Variants in CADM2 observed in about 807,000 individuals in gnomAD.
CADM2 encodes cell adhesion molecule 2, also known as immunoglobulin superfamily member 4D.
In CADM2, 12 loss-of-function variants were observed where a neutral mutation model predicts 49.8. The observed-to-expected ratio is 0.24, with a 90% CI of 0.15 to 0.39. The LOEUF is 0.39. Among genes scored for constraint, CADM2 ranks in the 10% least tolerant of loss-of-function variants. The pLI is 1.00. For synonymous variants in CADM2, 214 were observed against 175.4 expected (o/e 1.22, Z -1.74); for missense variants, 378 against 492.3 (o/e 0.77, Z 2.20).
intron 1 of CADM2, among the ~76,000 whole-genome samples, chr3:85,133,807 T>A (rs914785504): frequency 9.2e-5 from 14 of 152,228 alleles, no homozygotes; most frequent in Non-Finnish European, 1.9e-4. Context: ...ACCCAGTGGA[T>A]CCCTCACCGG....
rs141416145 is a variant in CADM2 at position 85,964,277 on chromosome 3, G to T, written c.970+2630G>T. Among the ~76,000 whole-genome samples, 181 of 151,878 alleles carry T rather than the reference G, an allele frequency of 1.2e-3. 1 individual carries two copies. The highest frequency in any genetic ancestry group is 0.01 in the South Asian group (49 of 4,824). On this transcript the variant is annotated intron_variant, in intron 8 of 9. Transcript: ENST00000383699. ...CACCAAGGTTGATTTTACGTTAGTG[G>T]TGATAATTTAATATAGCTCTAGTAC...
At position 84,959,228 on chromosome 3, in the gene CADM2, C is replaced by T. The variant is rs921750749; in HGVS notation, c.-380C>T. ...TGACCTACCCACTCCTTGCAGCCCT[C>T]GCCCGCACCTTCTCCAACACCCCGG... On this transcript the variant is annotated 5_prime_UTR_variant, in exon 1 of 10. Transcript: ENST00000383699. The T allele has an allele frequency of 4.2e-5, 15 of 354,368 alleles. No individual in the cohort carries two copies. The highest frequency in any genetic ancestry group is 2.3e-4 in the Admixed American group (5 of 21,396). The allele number at this position is 354,368 out of a possible 1,614,324, so 22.0% of individuals were successfully genotyped here.
chr3:85,212,818 CTTTCTTTCTT>C (rs2041812966), intron 1 of CADM2, among the ~76,000 whole-genome samples: 1 of 62,282 alleles, frequency 1.6e-5, no homozygotes, highest in Non-Finnish European at 3.1e-5. Context: ...TCTTCTCTTT[CTTTCTTTCTT>C]TCTTTCTTTC....
chr3:85,285,563 C>T (rs1252275560), intron 1 of CADM2, among the ~76,000 whole-genome samples: 1 of 152,022 alleles, frequency 6.6e-6, no homozygotes, highest in East Asian at 1.9e-4. Context: ...ACTCACATAA[C>T]TCTAGTTTGA....
intron 1 of CADM2, among the ~76,000 whole-genome samples, chr3:85,578,557 G>T (rs1009840443): frequency 6.6e-6 from 1 of 152,156 alleles, no homozygotes; most frequent in Non-Finnish European, 1.5e-5. Context: ...TGCAGGTCAA[G>T]CACTTGAAAC....
intron 1 of CADM2, among the ~76,000 whole-genome samples, chr3:85,115,995 G>A (rs1004328035): frequency 3.3e-5 from 5 of 152,168 alleles, no homozygotes; most frequent in Admixed American, 1.3e-4. Flanking sequence ...ATTAGCAATA[G>A]GACTCAAGCA....
At chr3:85,640,580 A>T (rs2064679697) in intron 1 of CADM2, among the ~76,000 whole-genome samples, 1 of 152,088 alleles carries the variant, frequency 6.6e-6, no homozygotes, top group Admixed American at 6.6e-5. Context: ...GAACAGCAAG[A>T]CGTTTGGTAT....
chr3:85,604,197 A>G (rs948162684), intron 1 of CADM2, among the ~76,000 whole-genome samples: 1 of 151,826 alleles, frequency 6.6e-6, no homozygotes, highest in Non-Finnish European at 1.5e-5. Context: ...ATATTATTTT[A>G]TTTAATCTTA....
At chr3:86,005,194 C>G (rs1730633696) in intron 8 of CADM2, among the ~76,000 whole-genome samples, 1 of 152,068 alleles carries the variant, frequency 6.6e-6, no homozygotes, top group Non-Finnish European at 1.5e-5. Context: ...AGTTCAGTAC[C>G]TAATGTTAAG....
intron 1 of CADM2, among the ~76,000 whole-genome samples, chr3:85,006,625 A>G (rs1486605824): frequency 2.0e-5 from 3 of 152,092 alleles, no homozygotes; most frequent in African/African-American, 4.8e-5. Flanking sequence ...TGGTTTGATT[A>G]TCCTCAGTTT....
At chr3:85,060,648 C>T (rs1008205766) in intron 1 of CADM2, among the ~76,000 whole-genome samples, 2 of 152,018 alleles carry the variant, frequency 1.3e-5, no homozygotes, top group Non-Finnish European at 2.9e-5. Context: ...GCCAAGGATA[C>T]AGACACCAGT....
At chr3:85,779,316 G>C (rs889234694) in intron 2 of CADM2, among the ~76,000 whole-genome samples, 1 of 151,936 alleles carries the variant, frequency 6.6e-6, no homozygotes, top group Non-Finnish European at 1.5e-5. Context: ...CATGCCTAAA[G>C]CCTCTGCAGT....
chr3:85,187,577 G>A (rs982145352), intron 1 of CADM2, among the ~76,000 whole-genome samples: 31 of 151,956 alleles, frequency 2.0e-4, no homozygotes, highest in Non-Finnish European at 3.5e-4. Flanking sequence ...GCTGGTTTAT[G>A]AACCTCCTCT....
intron 1 of CADM2, among the ~76,000 whole-genome samples, chr3:85,568,911 T>G (rs946335300): frequency 6.6e-6 from 1 of 152,144 alleles, no homozygotes; most frequent in African/African-American, 2.4e-5. Flanking sequence ...ATTTTAAAGT[T>G]TGCACTCCTC....
chr3:85,932,018 A>C (rs1720665634), intron 6 of CADM2, among the ~76,000 whole-genome samples: 1 of 151,710 alleles, frequency 6.6e-6, no homozygotes. Flanking sequence ...TTGAGAAGAC[A>C]ATTTTGTTTC....
rs75101600 is a variant in CADM2 at position 85,143,829 on chromosome 3, A to G, written c.61+184161A>G. On this transcript the variant is annotated intron_variant, in intron 1 of 9. Coordinates refer to ENST00000383699, the MANE Select transcript of CADM2 (RefSeq NM_001167675.2). ...CTGTAGCCAGAATATTTCTGATTGC[A>G]TATTCATAGCATGCCGTTCCATGGC... Among the ~76,000 whole-genome samples the G allele has an allele frequency of 6.5e-3, 996 of 152,212 alleles. 4 individuals are homozygous for G. The highest frequency in any genetic ancestry group is 0.041 in the Middle Eastern group (12 of 294).
At chr3:85,000,004 C>G in intron 1 of CADM2, among the ~76,000 whole-genome samples, 1 of 152,146 alleles carries the variant, frequency 6.6e-6, no homozygotes, top group Non-Finnish European at 1.5e-5. Flanking sequence ...GAATTTACAT[C>G]AAATTTCGGT....
chr3:86,073,072 G>T lies in CADM2; in HGVS notation c.*6289G>T, dbSNP rs1355104665. The T allele has an allele frequency of 6.6e-6, 1 of 151,952 alleles. No individual in the cohort carries two copies. Among genetic ancestry groups the T allele is most frequent in the Non-Finnish European group, 1.5e-5 (1 of 67,932 alleles). The allele number at this position is 151,952 out of a possible 1,614,324, so 9.4% of individuals were successfully genotyped here. On this transcript the variant is annotated 3_prime_UTR_variant, in exon 10 of 10. Coordinates refer to ENST00000383699, the MANE Select transcript of CADM2 (RefSeq NM_001167675.2). ...CATTCACATCAATATTTGTGAATTT[G>T]TTGTTCAGCTTTTCATTCAAACAAA...
At chr3:85,442,387 C>G (rs997424497) in intron 1 of CADM2, among the ~76,000 whole-genome samples, 10 of 151,666 alleles carry the variant, frequency 6.6e-5, no homozygotes, top group Admixed American at 5.3e-4. Context: ...GAGCAAATGA[C>G]TACAGACTAT....
Sources: allele counts gnomAD v4.1 joint callset (sites outside exome capture counted in the v4.1 genomes callset), GRCh38; gene constraint gnomAD v4.1.1; transcripts MANE v1.5; gene names NCBI Gene and HGNC (gene_info 2026-07-23, HGNC 2026-07-21).